CNTN4: variants seen among roughly 807,000 people sequenced by gnomAD.
CNTN4 encodes contactin-4.
CNTN4 carries 77 observed loss-of-function variants against 122.5 expected under a neutral mutation model. That is an observed-to-expected ratio of 0.63 (90% CI 0.52 to 0.76). The LOEUF (loss-of-function observed/expected upper bound fraction) is 0.76, where lower values mean the gene tolerates loss of function less well. Among genes scored for constraint, CNTN4 ranks in the 30% least tolerant of loss-of-function variants. The probability of loss-of-function intolerance (pLI) is 0.00; values close to 1 mark genes in which losing one functional copy is unlikely to be tolerated. For missense variants in CNTN4, 1,256 were observed against 1,259.1 expected (o/e 1.00, Z 0.04); for synonymous variants, 512 against 447.0 (o/e 1.15, Z -1.83).
intron 13 of CNTN4, among the ~76,000 whole-genome samples, chr3:2,987,299 A>G (rs1386592390): frequency 6.6e-6 from 1 of 152,256 alleles, no homozygotes; most frequent in African/African-American, 2.4e-5. Context: ...CTCCAGCAAG[A>G]AATTTTTTCA....
chr3:3,053,121 G>A (rs992552343), intron 23 of CNTN4, among the ~76,000 whole-genome samples: 2 of 152,104 alleles, frequency 1.3e-5, no homozygotes, highest in African/African-American at 2.4e-5. Context: ...TGCAACGTCT[G>A]CCTCCCGGGT....
intron 12 of CNTN4, among the ~76,000 whole-genome samples, chr3:2,908,304 T>C (rs1210881227): frequency 6.6e-6 from 1 of 152,240 alleles, no homozygotes; most frequent in Admixed American, 6.5e-5. Context: ...TTAGTATTTG[T>C]GTCCACTCAG....
chr3:2,178,609 A>C (rs1425039090), intron 2 of CNTN4, among the ~76,000 whole-genome samples: 2 of 152,108 alleles, frequency 1.3e-5, no homozygotes, highest in Non-Finnish European at 2.9e-5. Flanking sequence ...GTATGTGAAG[A>C]AACTAGGTTT....
At chr3:2,341,431 G>C (rs1484183356) in intron 3 of CNTN4, among the ~76,000 whole-genome samples, 1 of 152,214 alleles carries the variant, frequency 6.6e-6, no homozygotes, top group Non-Finnish European at 1.5e-5. Context: ...TGCATGCACA[G>C]ATGATGTCTT....
chr3:2,230,850 T>G (rs2039458157), intron 2 of CNTN4, among the ~76,000 whole-genome samples: 1 of 151,964 alleles, frequency 6.6e-6, no homozygotes, highest in African/African-American at 2.4e-5. Context: ...GGCTTGAGCA[T>G]GGTGGTGCAC....
intron 3 of CNTN4, among the ~76,000 whole-genome samples, chr3:2,455,486 T>G (rs2048965882): frequency 6.6e-6 from 1 of 152,032 alleles, no homozygotes; most frequent in Non-Finnish European, 1.5e-5. Flanking sequence ...TTTCTTTTTT[T>G]TAAGGGGAGA....
At position 3,023,977 on chromosome 3, in the gene CNTN4, T is replaced by C. The variant is rs189503227; in HGVS notation, c.1487-2125T>C. On this transcript the variant is annotated intron_variant, in intron 14 of 24. Coordinates refer to ENST00000418658, the MANE Select transcript of CNTN4 (RefSeq NM_175607.3). ...AGTCTGCTCATTTGTTAAATAGGGATGATAATAGTACCTATTTGTTAGGAA... is the reference window on the plus strand; with the variant it reads ...AGTCTGCTCATTTGTTAAATAGGGACGATAATAGTACCTATTTGTTAGGAA... Among the ~76,000 whole-genome samples the C allele has an allele frequency of 4.2e-3, 635 of 152,316 alleles. 14 individuals carry two copies. The highest frequency in any genetic ancestry group is 0.033 in the Admixed American group (501 of 15,294).
rs947935521 is a variant in CNTN4, at chr3:2,287,667, G to A, written c.-144-51511G>A. Reference sequence around the variant, plus strand: ...AGAAGAAGAAGAAGAAGAAGAAGAAGAAGAAGAAGAAGAAGAAGAAGAAGA... The same window carrying A: ...AGAAGAAGAAGAAGAAGAAGAAGAAAAAGAAGAAGAAGAAGAAGAAGAAGA... On this transcript the variant is annotated intron_variant, in intron 2 of 24. Transcript: ENST00000418658. Among the ~76,000 whole-genome samples the A allele has an allele frequency of 1.1e-3, 60 of 53,348 alleles. 1 individual carries two copies. Among genetic ancestry groups the A allele is most frequent in the Non-Finnish European group, 2.2e-3 (49 of 22,736 alleles). The allele number at this position is 53,348 out of a possible 152,430, so 35.0% of individuals were successfully genotyped here.
chr3:2,637,594 A>G (rs2082716770), intron 4 of CNTN4, among the ~76,000 whole-genome samples: 3 of 152,124 alleles, frequency 2.0e-5, no homozygotes, highest in African/African-American at 7.2e-5. Flanking sequence ...AACAAGAAAC[A>G]TCACTGAGCT....
At chr3:2,133,894 A>G (rs939410282) in intron 2 of CNTN4, among the ~76,000 whole-genome samples, 5 of 152,090 alleles carry the variant, frequency 3.3e-5, no homozygotes, top group Non-Finnish European at 7.4e-5. Context: ...TTAAAGCTCT[A>G]TTGTTTTCTT....
In CNTN4 at chr3:2,252,334, A is replaced by ATT. The variant is rs376343052; in HGVS notation, c.-144-86840_-144-86839dup. On this transcript the variant is annotated intron_variant, in intron 2 of 24. Coordinates refer to ENST00000418658, the MANE Select transcript of CNTN4 (RefSeq NM_175607.3). ...TAGGTTTTTAAATCACCTTTATTAC[A>ATT]TTTTTATGTATCTCTTTTTGGGATC... Among the ~76,000 whole-genome samples the ATT allele has an allele frequency of 8.5e-4, 129 of 152,008 alleles. 2 individuals carry two copies. The highest frequency in any genetic ancestry group is 3.0e-3 in the African/African-American group (125 of 41,526).
At chr3:2,413,789 C>T (rs916786940) in intron 3 of CNTN4, among the ~76,000 whole-genome samples, 1 of 152,138 alleles carries the variant, frequency 6.6e-6, no homozygotes, top group Non-Finnish European at 1.5e-5. Context: ...GATCCACCTG[C>T]CTCGGCCTCC....
chr3:2,419,076 TA>T (rs2047521919), intron 3 of CNTN4, among the ~76,000 whole-genome samples: 1 of 152,204 alleles, frequency 6.6e-6, no homozygotes, highest in African/African-American at 2.4e-5. Flanking sequence ...TAAATGGCTA[TA>T]TGGTTCACGT....
At chr3:2,666,036 C>G (rs1683059503) in intron 4 of CNTN4, among the ~76,000 whole-genome samples, 1 of 152,080 alleles carries the variant, frequency 6.6e-6, no homozygotes, top group Admixed American at 6.6e-5. Context: ...GATATCTGAC[C>G]CTTAAAAAAT....
intron 3 of CNTN4, among the ~76,000 whole-genome samples, chr3:2,389,762 A>G (rs2046378387): frequency 6.6e-6 from 1 of 152,226 alleles, no homozygotes; most frequent in African/African-American, 2.4e-5. Flanking sequence ...AAGTGATCAA[A>G]GGTAGCATGA....
At chr3:2,524,452 G>A (rs1473826078) in intron 3 of CNTN4, among the ~76,000 whole-genome samples, 1 of 152,064 alleles carries the variant, frequency 6.6e-6, no homozygotes, top group South Asian at 2.1e-4. Context: ...GAATAATCTG[G>A]AATCGTTTTT....
intron 3 of CNTN4, among the ~76,000 whole-genome samples, chr3:2,403,168 A>C (rs187517798): frequency 1.4e-4 from 22 of 152,026 alleles, no homozygotes; most frequent in Admixed American, 1.3e-3. Context: ...TCTATGTCCA[A>C]ATTTCCTCCT....
At chr3:2,280,062 A>T (rs2041661022) in intron 2 of CNTN4, among the ~76,000 whole-genome samples, 1 of 151,926 alleles carries the variant, frequency 6.6e-6, no homozygotes, top group Non-Finnish European at 1.5e-5. Flanking sequence ...TTCTTTTTTG[A>T]TCAGGTTTTC....
At chr3:2,574,088 T>C (rs567849160) in intron 4 of CNTN4, among the ~76,000 whole-genome samples, 6 of 152,186 alleles carry the variant, frequency 3.9e-5, no homozygotes, top group East Asian at 1.9e-4. Flanking sequence ...TGGTGGTGTA[T>C]GCCTGTAATC....
Sources: gnomAD v4.1 joint callset for allele counts (sites outside exome capture counted in the v4.1 genomes callset) on GRCh38, gnomAD v4.1.1 for gene constraint, MANE v1.5 for transcripts, NCBI Gene and HGNC (gene_info 2026-07-23, HGNC 2026-07-21) for gene names.